Variants in PDE4D observed in about 807,000 individuals in gnomAD.
PDE4D encodes the protein 3',5'-cyclic-AMP phosphodiesterase 4D.
In PDE4D, 24 loss-of-function variants were observed where a neutral mutation model predicts 87.4. The observed-to-expected ratio is 0.27, with a 90% confidence interval of 0.20 to 0.39. PDE4D has a LOEUF of 0.39. Among genes scored for constraint, PDE4D ranks in the 10% least tolerant of loss-of-function variants. The pLI is 1.00. For synonymous variants in PDE4D, 384 were observed against 383.2 expected (o/e 1.00, Z -0.02); for missense variants, 714 against 1,041.0 (o/e 0.69, Z 4.32).
intron 1 of PDE4D, among the ~76,000 whole-genome samples, chr5:59,813,553 G>T (rs560331156): frequency 6.6e-6 from 1 of 152,000 alleles, no homozygotes; most frequent in East Asian, 1.9e-4. Flanking sequence ...AGATTTATTT[G>T]CCATTAGCAG....
At chr5:59,192,163 G>T (rs748334190) in intron 3 of PDE4D, among the ~76,000 whole-genome samples, 8 of 151,930 alleles carry the variant, frequency 5.3e-5, no homozygotes, top group Non-Finnish European at 1.0e-4. Flanking sequence ...TAAAAGTTTG[G>T]AAAGTTTTAA....
At chr5:59,022,452 A>G (rs1580349422) in intron 6 of PDE4D, among the ~76,000 whole-genome samples, 1 of 152,248 alleles carries the variant, frequency 6.6e-6, no homozygotes, top group East Asian at 1.9e-4. Context: ...GCCCCCACTA[A>G]GAAAACAGAC....
chr5:60,079,072 T>G (rs993136972), intron 2 of PDE4D, among the ~76,000 whole-genome samples: 2 of 152,100 alleles, frequency 1.3e-5, no homozygotes, highest in Non-Finnish European at 2.9e-5. Flanking sequence ...TTTTAATAAT[T>G]GTCGTTCTGA....
chr5:60,066,361 C>G (rs1035493068), intron 2 of PDE4D, among the ~76,000 whole-genome samples: 4 of 151,906 alleles, frequency 2.6e-5, no homozygotes, highest in Non-Finnish European at 5.9e-5. Flanking sequence ...TCCCTATACA[C>G]AATATATTTT....
chr5:60,122,351 C>G (rs1213483766), intron 2 of PDE4D, among the ~76,000 whole-genome samples: 1 of 152,372 alleles, frequency 6.6e-6, no homozygotes, highest in African/African-American at 2.4e-5. Context: ...CAGAGGTTTT[C>G]CATGAGGGCC....
At chr5:59,675,939 A>G (rs298065) in intron 1 of PDE4D, among the ~76,000 whole-genome samples, 111,623 of 151,976 alleles carry the variant, frequency 0.73, 41,091 homozygotes, top group East Asian at 0.84. Flanking sequence ...TTATCCTTCC[A>G]CCTCAGCCGC....
At chr5:60,292,604 C>G (rs1279954042) in intron 1 of PDE4D, among the ~76,000 whole-genome samples, 2 of 152,182 alleles carry the variant, frequency 1.3e-5, no homozygotes, top group Non-Finnish European at 2.9e-5. Flanking sequence ...ACATTCATAA[C>G]TTTTGCAGTG....
At chr5:59,496,724 C>CAGG (rs902419568) in intron 1 of PDE4D, among the ~76,000 whole-genome samples, 4 of 152,148 alleles carry the variant, frequency 2.6e-5, no homozygotes, top group African/African-American at 9.6e-5. Context: ...CCACCAAAGC[C>CAGG]AGGGAATGGT....
At chr5:59,950,556 A>T (rs71627978) in intron 3 of PDE4D, among the ~76,000 whole-genome samples, 1 of 152,072 alleles carries the variant, frequency 6.6e-6, no homozygotes, top group Non-Finnish European at 1.5e-5. Context: ...GGATGAATAG[A>T]CAGATATACA....
intron 1 of PDE4D, chr5:60,430,920 G>A: frequency 3.7e-6 from 1 of 273,494 alleles, no homozygotes. Flanking sequence ...AGAACAAAAT[G>A]AAAAGTCTCC....
intron 1 of PDE4D, among the ~76,000 whole-genome samples, chr5:60,363,285 G>A (rs984109140): frequency 2.0e-5 from 3 of 152,094 alleles, no homozygotes; most frequent in East Asian, 1.9e-4. Flanking sequence ...TTTTAAGGCC[G>A]TACTTGGAAT....
At chr5:60,012,711 T>A (rs1765131718) in intron 2 of PDE4D, among the ~76,000 whole-genome samples, 1 of 152,194 alleles carries the variant, frequency 6.6e-6, no homozygotes, top group African/African-American at 2.4e-5. Flanking sequence ...ACAGTTTCTG[T>A]GTGGGAGTCC....
chr5:59,385,066 AG>A (rs1786706998), intron 1 of PDE4D, among the ~76,000 whole-genome samples: 1 of 152,176 alleles, frequency 6.6e-6, no homozygotes, highest in Non-Finnish European at 1.5e-5. Flanking sequence ...CAGATGCTCT[AG>A]CAAATTGGAT....
intron 1 of PDE4D, among the ~76,000 whole-genome samples, chr5:59,684,330 T>C (rs1224369931): frequency 6.6e-6 from 1 of 152,194 alleles, no homozygotes; most frequent in Non-Finnish European, 1.5e-5. Context: ...TGTTTTATCA[T>C]TTTTTTCTGA....
Position 59,488,722 on chromosome 5 carries a change from C to T in PDE4D, c.456-272754G>A, listed in dbSNP as rs1395065651. 2.7e-5 allele frequency among the ~76,000 whole-genome samples: 4 copies of T among 148,382 alleles called. No individual in the cohort carries two copies. The East Asian group carries it at 7.9e-4, about 29-fold the overall frequency. ...GGATCTTCAGAGAGCTTTCCAAGTA[C>T]AGTTGGAATATTTCACAATTTCAGG... is the stretch of plus-strand genomic sequence containing the variant. On this transcript the variant is annotated intron_variant, in intron 1 of 14. Transcript: ENST00000340635.
chr5:59,034,901 G>A (rs945453541), intron 6 of PDE4D, among the ~76,000 whole-genome samples: 1 of 152,212 alleles, frequency 6.6e-6, no homozygotes, highest in African/African-American at 2.4e-5. Context: ...CATTTTTATA[G>A]TGATATGTCT....
At chr5:60,131,582 T>C (rs970945146) in intron 2 of PDE4D, among the ~76,000 whole-genome samples, 16 of 152,178 alleles carry the variant, frequency 1.1e-4, no homozygotes, top group African/African-American at 3.6e-4. Context: ...ACTAGTCTGA[T>C]GAGATTTGCA....
intron 1 of PDE4D, among the ~76,000 whole-genome samples, chr5:60,465,045 G>T (rs947834655): frequency 6.6e-6 from 1 of 152,014 alleles, no homozygotes; most frequent in Non-Finnish European, 1.5e-5. Context: ...GGAGTTCAAG[G>T]TTGCAGTGAG....
At position 59,714,591 on chromosome 5, in the gene PDE4D, G is replaced by A. The variant is rs193157777; in HGVS notation, c.455+178577C>T. On this transcript the variant is annotated intron_variant, in intron 1 of 14. Transcript: ENST00000340635. The stretch of plus-strand genomic sequence containing the variant: ...CCATCTATTACAGATTTGATGGACC[G>A]CTTGATGATGGAATTTGGACAGTGC... 1.7e-3 allele frequency among the ~76,000 whole-genome samples: 265 copies of A among 152,342 alleles called. 3 individuals are homozygous for A. The highest frequency in any genetic ancestry group is 2.4e-3 in the African/African-American group (98 of 41,576).
Sources: gnomAD v4.1 joint callset for allele counts (sites outside exome capture counted in the v4.1 genomes callset) on GRCh38, gnomAD v4.1.1 for gene constraint, MANE v1.5 for transcripts, NCBI Gene and HGNC (gene_info 2026-07-23, HGNC 2026-07-21) for gene names.